The following NCOA7 variants were observed in gnomAD, a reference collection of about 807,000 sequenced individuals.
NCOA7 encodes the protein nuclear receptor coactivator 7.
NCOA7 carries 45 observed loss-of-function variants against 104.3 expected under a neutral mutation model. The ratio of observed to expected loss-of-function variants is 0.43; its 90% confidence interval spans 0.34 to 0.55. The LOEUF (loss-of-function observed/expected upper bound fraction) is 0.55, where lower values mean the gene tolerates loss of function less well. Ranked by LOEUF, NCOA7 falls within the 20% of genes least tolerant of loss-of-function variation. The pLI, the probability that NCOA7 is intolerant of heterozygous loss-of-function variation, is 0.02. For synonymous variants in NCOA7, 398 were observed against 402.3 expected, an observed-to-expected ratio of 0.99 and a Z score of 0.13; for missense variants, 1,041 against 1,119.7, an observed-to-expected ratio of 0.93 and a Z score of 1.00.
chr6:125,797,891 T>C (rs904858419), intron 1 of NCOA7: 2 of 152,186 alleles, frequency 1.3e-5, no homozygotes, highest in Non-Finnish European at 2.9e-5. Context: ...TCCAAAATAA[T>C]TTCTATTTAA....
At chr6:125,797,406 T>G (rs1218476251) in intron 1 of NCOA7, among the ~76,000 whole-genome samples, 1 of 152,224 alleles carries the variant, frequency 6.6e-6, no homozygotes, top group Non-Finnish European at 1.5e-5. Flanking sequence ...AAATAAGAGT[T>G]TAATAGTGTT....
At chr6:125,924,640 T>C (rs1469360058) in intron 13 of NCOA7, among the ~76,000 whole-genome samples, 1 of 152,162 alleles carries the variant, frequency 6.6e-6, no homozygotes, top group Non-Finnish European at 1.5e-5. Flanking sequence ...AAAACAACAA[T>C]CACTTAAAGT....
intron 3 of NCOA7, among the ~76,000 whole-genome samples, chr6:125,870,724 T>C (rs1385332221): frequency 1.3e-5 from 2 of 152,166 alleles, no homozygotes; most frequent in Admixed American, 6.5e-5. Flanking sequence ...GAGTCTTCTT[T>C]CTGTAAACTT....
chr6:125,782,813 C>G (rs916468741), intron 1 of NCOA7, among the ~76,000 whole-genome samples: 1 of 152,170 alleles, frequency 6.6e-6, no homozygotes, highest in Admixed American at 6.5e-5. Flanking sequence ...ATGTCACTGT[C>G]CTAATCCCCA....
In NCOA7 at chr6:125,881,132, A is replaced by G; in HGVS notation, c.502A>G (p.Arg168Gly). Residue 168 changes from arginine to glycine, a missense_variant, in exon 6 of 16, where the codon AGG becomes GGG. Arg to Gly is a moderately radical substitution (Grantham distance 125, BLOSUM62 -2). Coordinates refer to ENST00000392477, the MANE Select transcript of NCOA7 (RefSeq NM_181782.5). ...TGCCAACTCTCCTTCCAGTACCTTA[A>G]GGCTATCATCATCCAGTCCTGGTGC... ...PDANSPSSTL[R>G]LSSSSPGATV... 1.2e-6 allele frequency: 2 copies of G among 1,613,986 alleles called. No individual in the cohort carries two copies. The highest frequency in any genetic ancestry group is 8.5e-7 in the Non-Finnish European group (1 of 1,179,928).
At chr6:125,901,403 A>G (rs1785487442) in intron 10 of NCOA7, among the ~76,000 whole-genome samples, 3 of 152,226 alleles carry the variant, frequency 2.0e-5, no homozygotes, top group Non-Finnish European at 4.4e-5. Context: ...GTTGGTTTAC[A>G]ACAATGTAAA....
intron 14 of NCOA7, 137 bp downstream of exon 14, chr6:125,927,895 G>A (rs1408256013): frequency 2.6e-6 from 2 of 773,464 alleles, no homozygotes; most frequent in Non-Finnish European, 4.4e-6. Flanking sequence ...CTTTATGACT[G>A]TAGCTCGCAA....
At chr6:125,786,113 A>G (rs1268440917), upstream of NCOA7, 1 of 152,224 alleles carries the variant, frequency 6.6e-6, no homozygotes, top group Non-Finnish European at 1.5e-5. Context: ...CTATTAAATA[A>G]TAAACTCTCT....
At chr6:125,841,913 A>C (rs1231174516) in intron 2 of NCOA7, among the ~76,000 whole-genome samples, 2 of 152,244 alleles carry the variant, frequency 1.3e-5, no homozygotes, top group African/African-American at 4.8e-5. Flanking sequence ...TCTTTCTGAA[A>C]GTACCTGTAA....
Position 125,837,304 on chromosome 6 carries a change from C to T in NCOA7, c.51-17716C>T, listed in dbSNP as rs527807145. Among the ~76,000 whole-genome samples the T allele has an allele frequency of 5.9e-5, 9 of 152,234 alleles. No individual in the cohort carries two copies. The South Asian group carries it at 8.3e-4, about 14-fold the overall frequency. ...TTTAAGGCATCTTCAGAAAAGTACA[C>T]GTGTGTCACCTGTGTATAACCAGCC... is the stretch of plus-strand genomic sequence containing the variant. On this transcript the variant is annotated intron_variant, in intron 2 of 15. Coordinates refer to ENST00000392477, the MANE Select transcript of NCOA7 (RefSeq NM_181782.5).
chr6:125,789,511 T>C (rs1166385273), upstream of NCOA7, among the ~76,000 whole-genome samples: 2 of 152,188 alleles, frequency 1.3e-5, no homozygotes, highest in Non-Finnish European at 2.9e-5. Flanking sequence ...TTTGATACAA[T>C]GCAATCAGCT....
intron 1 of NCOA7, among the ~76,000 whole-genome samples, chr6:125,806,333 TCC>T (rs1776450474): frequency 6.6e-6 from 1 of 152,242 alleles, no homozygotes; most frequent in East Asian, 1.9e-4. Context: ...AGAGTGAGAC[TCC>T]TTCTCAAAAT....
At chr6:125,790,735 A>G (rs3734633), upstream of NCOA7, 22,424 of 152,150 alleles carry the variant, frequency 0.15, 2,588 homozygotes, top group African/African-American at 0.32. Flanking sequence ...GCCCGCCTTC[A>G]GCCGGGCCCG....
In NCOA7 at chr6:125,929,450, G is replaced by A. The variant is rs1788328331; in HGVS notation, c.*679G>A. The A allele has an allele frequency of 6.6e-6, 1 of 150,530 alleles. No homozygotes were observed. Among genetic ancestry groups the A allele is most frequent in the African/African-American group, 2.5e-5 (1 of 40,688 alleles). 9.3% of individuals were successfully genotyped at this position (150,530 alleles called of 1,614,324 possible). A position where few individuals can be genotyped will look rare whatever the true frequency, so the allele number is the denominator to read the frequency against. The stretch of plus-strand genomic sequence containing the variant: ...TGTTTAGGGTGATAGGTCTTAAGCA[G>A]CATATATCTATATATCTGTATGTGG... On this transcript the variant is annotated 3_prime_UTR_variant, in exon 16 of 16. Coordinates refer to ENST00000392477, the MANE Select transcript of NCOA7 (RefSeq NM_181782.5).
chr6:125,907,186 G>A (rs1465270696), intron 10 of NCOA7, among the ~76,000 whole-genome samples: 1 of 152,220 alleles, frequency 6.6e-6, no homozygotes, highest in African/African-American at 2.4e-5. Flanking sequence ...GGAGGCTACT[G>A]TTGAGGGAAA....
At chr6:125,922,567 C>T (rs769530779) in intron 12 of NCOA7, 115 bp from the exon 13 acceptor site, 3 of 1,166,620 alleles carry the variant, frequency 2.6e-6, no homozygotes, top group Non-Finnish European at 3.6e-6. Flanking sequence ...TAAGGAGGGG[C>T]ACTATGTGAG....
At chr6:125,822,994 G>GA (rs34629320) in intron 2 of NCOA7, among the ~76,000 whole-genome samples, 12 of 148,122 alleles carry the variant, frequency 8.1e-5, no homozygotes, top group African/African-American at 1.5e-4. Context: ...GTGATAAATA[G>GA]AAAAAAAAAA....
Position 125,791,299 on chromosome 6 carries a change from C to G in NCOA7, c.-65+232C>G, listed in dbSNP as rs191473524. On this transcript the variant is annotated intron_variant, in intron 1 of 15. Transcript: ENST00000392477. ...GGAGAGATTGACCCTTCCCCGCCCA[C>G]CCCTTGGGGGGCTCGTGGGGGTGCG... Among the ~76,000 whole-genome samples, 230 of 152,352 alleles carry G rather than the reference C, an allele frequency of 1.5e-3. 3 individuals are homozygous for G. The highest frequency in any genetic ancestry group is 0.013 in the East Asian group (65 of 5,178).
At chr6:125,790,793 T>C (rs982634160), upstream of NCOA7, 1 of 152,094 alleles carries the variant, frequency 6.6e-6, no homozygotes, top group African/African-American at 2.4e-5. Flanking sequence ...GCTGCGGGGC[T>C]GGCGAGGCGT....
Sources: allele counts gnomAD v4.1 joint callset (sites outside exome capture counted in the v4.1 genomes callset), GRCh38; gene constraint gnomAD v4.1.1; transcripts MANE v1.5; gene names NCBI Gene and HGNC (gene_info 2026-07-23, HGNC 2026-07-21).